Variants in TFCP2 observed in about 807,000 individuals in gnomAD.
TFCP2 encodes the protein alpha-globin transcription factor CP2.
A neutral mutation model predicts 73.4 loss-of-function variants in TFCP2; 33 were observed. That is an observed-to-expected ratio of 0.45 (90% CI 0.34 to 0.60). The LOEUF (loss-of-function observed/expected upper bound fraction) is 0.60. Ranked by LOEUF, TFCP2 falls within the 20% of genes least tolerant of loss-of-function variation. The pLI, the probability that TFCP2 is intolerant of heterozygous loss-of-function variation, is 0.01. For missense variants in TFCP2, 352 were observed against 604.0 expected (o/e 0.58, Z 4.37); for synonymous variants, 193 against 211.6 (o/e 0.91, Z 0.76).
chr12:51,095,232 G>A lies in TFCP2; in HGVS notation c.*9C>T, dbSNP rs376088787. On this transcript the variant is annotated 3_prime_UTR_variant, in exon 15 of 15. Transcript: ENST00000257915. Reference sequence around the variant, plus strand: ...AAGGAGCAGCCACTGGGCACGAAACGCCGCACTCCTACTTCAGTATGATAT... The same window carrying A: ...AAGGAGCAGCCACTGGGCACGAAACACCGCACTCCTACTTCAGTATGATAT... The A allele has an allele frequency of 1.5e-5, 25 of 1,613,814 alleles. No individual in the cohort carries two copies. In the African/African-American group the frequency reaches 2.3e-4, roughly 15 times the overall value.
chr12:51,169,675 A>G (rs1295951170), intron 1 of TFCP2, among the ~76,000 whole-genome samples: 1 of 152,212 alleles, frequency 6.6e-6, no homozygotes, highest in Non-Finnish European at 1.5e-5. Context: ...CTGAGCCGAG[A>G]TGGTGCCACT....
At chr12:51,111,046 C>T (rs921476753) in intron 4 of TFCP2, 63 bp from the exon 5 acceptor site, 1 of 1,140,468 alleles carries the variant, frequency 8.8e-7, no homozygotes, top group African/African-American at 1.5e-5. Context: ...AATAAGAAAG[C>T]ATTGATTCTT....
intron 1 of TFCP2, chr12:51,125,389 C>CA (rs1224675491): frequency 4.3e-6 from 2 of 466,002 alleles, no homozygotes; most frequent in East Asian, 5.9e-5. Context: ...ACCGTGGACT[C>CA]AAACACTTTG....
chr12:51,120,615 G>A (rs1470337600), intron 1 of TFCP2, among the ~76,000 whole-genome samples: 5 of 152,018 alleles, frequency 3.3e-5, no homozygotes, highest in Admixed American at 3.3e-4. Context: ...TTAGAGGATG[G>A]GGAATAGGTA....
chr12:51,098,620 T>C (rs1940027386), intron 13 of TFCP2, among the ~76,000 whole-genome samples, 156 bp downstream of exon 13: 1 of 151,084 alleles, frequency 6.6e-6, no homozygotes, highest in Non-Finnish European at 1.5e-5. Context: ...AGAGAGACTG[T>C]TTCAAAAAAA....
chr12:51,152,450 C>G (rs188929034), intron 1 of TFCP2, among the ~76,000 whole-genome samples: 7 of 152,272 alleles, frequency 4.6e-5, no homozygotes, highest in Admixed American at 3.9e-4. Context: ...ATTATTAGGA[C>G]AACTGACAAA....
chr12:51,172,164 A>G, intron 1 of TFCP2, 137 bp downstream of exon 1: 2 of 1,275,580 alleles, frequency 1.6e-6, no homozygotes, highest in South Asian at 1.5e-5. Flanking sequence ...CAAAGCGACA[A>G]AAGAACAAGT....
chr12:51,145,895 T>C (rs573548048), intron 1 of TFCP2, among the ~76,000 whole-genome samples: 1 of 151,442 alleles, frequency 6.6e-6, no homozygotes, highest in African/African-American at 2.4e-5. Flanking sequence ...GAGGCTGCAG[T>C]GAGCTGTGAT....
Position 51,094,348 on chromosome 12 carries a change from C to T in TFCP2, c.*893G>A, listed in dbSNP as rs1190604574. 1 of 152,122 alleles carries T rather than the reference C, an allele frequency of 6.6e-6. No homozygotes were observed. The allele number at this position is 152,122 out of a possible 1,614,324, so 9.4% of individuals were successfully genotyped here. A position where few individuals can be genotyped will look rare whatever the true frequency, so the allele number is the denominator to read the frequency against. ...ATTTGTTCATCATTATTTAGGTGTGCTTTGTCTCTTTCAGTGGTTAATTCC... is the reference window on the plus strand; with the variant it reads ...ATTTGTTCATCATTATTTAGGTGTGTTTTGTCTCTTTCAGTGGTTAATTCC... On this transcript the variant is annotated 3_prime_UTR_variant, in exon 15 of 15. Coordinates refer to ENST00000257915, the MANE Select transcript of TFCP2 (RefSeq NM_005653.5).
chr12:51,103,023 C>T (rs1208772355), intron 10 of TFCP2, among the ~76,000 whole-genome samples: 1 of 151,996 alleles, frequency 6.6e-6, no homozygotes, highest in Non-Finnish European at 1.5e-5. Flanking sequence ...CAGCTCATAC[C>T]TGTAATCCCA....
chr12:51,125,092 T>TGAAG (rs1371536867), intron 1 of TFCP2: 2 of 755,186 alleles, frequency 2.6e-6, no homozygotes, highest in Admixed American at 1.7e-5. Flanking sequence ...CCGATGCTGG[T>TGAAG]GAAGATGCGA....
At chr12:51,118,458 G>C (rs1395712773) in intron 2 of TFCP2, among the ~76,000 whole-genome samples, 163 bp downstream of exon 2, 1 of 152,176 alleles carries the variant, frequency 6.6e-6, no homozygotes, top group African/African-American at 2.4e-5. Context: ...AGGAGGCTGA[G>C]GCAGGAGAAT....
At chr12:51,117,289 G>A (rs536396837) in intron 3 of TFCP2, among the ~76,000 whole-genome samples, 11 of 152,274 alleles carry the variant, frequency 7.2e-5, no homozygotes, top group Admixed American at 3.9e-4. Context: ...TAGACTAAGA[G>A]AACTGCTCTT....
chr12:51,106,645 G>T, intron 7 of TFCP2, 32 bp from the exon 8 acceptor site: 2 of 1,551,698 alleles, frequency 1.3e-6, no homozygotes, highest in South Asian at 2.2e-5. Context: ...GATAATGAAC[G>T]AGCACATATG....
chr12:51,121,095 G>C (rs1940657999), intron 1 of TFCP2, among the ~76,000 whole-genome samples: 1 of 151,798 alleles, frequency 6.6e-6, no homozygotes, highest in African/African-American at 2.4e-5. Context: ...AAAAGAAAAG[G>C]AACAGGGTAC....
At chr12:51,123,549 T>C (rs983659826) in intron 1 of TFCP2, among the ~76,000 whole-genome samples, 3 of 152,192 alleles carry the variant, frequency 2.0e-5, no homozygotes, top group African/African-American at 7.2e-5. Context: ...AATTTAACAT[T>C]TTATTATATT....
intron 1 of TFCP2, among the ~76,000 whole-genome samples, chr12:51,166,047 G>A (rs1325118793): frequency 1.3e-5 from 2 of 150,404 alleles, no homozygotes; most frequent in Admixed American, 1.3e-4. Context: ...AGGCATGGTG[G>A]CTCACATCTG....
chr12:51,099,514 A>G lies in TFCP2; in HGVS notation c.1276+141T>C. On this transcript the variant is annotated intron_variant, in intron 12 of 14. Coordinates refer to ENST00000257915, the MANE Select transcript of TFCP2 (RefSeq NM_005653.5). ...AAAAGAATGGCACCTGCCATGTATT[A>G]GGAACTTAATAAATGCTAGTGATTA... 7.0e-6 allele frequency: 8 copies of G among 1,138,910 alleles called. No individual in the cohort carries two copies. In the South Asian group the frequency reaches 1.3e-4, roughly 18 times the overall value. The allele number at this position is 1,138,910 out of a possible 1,614,324, so 70.6% of individuals were successfully genotyped here.
chr12:51,121,774 CTTG>C (rs1171542891), intron 1 of TFCP2, among the ~76,000 whole-genome samples: 2 of 151,942 alleles, frequency 1.3e-5, no homozygotes, highest in Admixed American at 1.3e-4. Flanking sequence ...CCCAATGATT[CTTG>C]TTAACATTCC....
Sources: gnomAD v4.1 joint callset for allele counts (sites outside exome capture counted in the v4.1 genomes callset) on GRCh38, gnomAD v4.1.1 for gene constraint, MANE v1.5 for transcripts, NCBI Gene and HGNC (gene_info 2026-07-23, HGNC 2026-07-21) for gene names.